The following TRHDE variants were observed in gnomAD, a reference collection of about 807,000 sequenced individuals.
TRHDE encodes the protein thyrotropin-releasing hormone-degrading ectoenzyme.
TRHDE carries 72 observed loss-of-function variants against 125.7 expected under a neutral mutation model. That is an observed-to-expected ratio of 0.57 (90% CI 0.47 to 0.70). TRHDE has a LOEUF of 0.70. Ranked by LOEUF, TRHDE falls within the 30% of genes least tolerant of loss-of-function variation. The probability of loss-of-function intolerance (pLI) is 0.00; values close to 1 mark genes in which losing one functional copy is unlikely to be tolerated. For synonymous variants in TRHDE, 509 were observed against 509.1 expected (o/e 1.00, Z 0.00); for missense variants, 1,110 against 1,327.1 (o/e 0.84, Z 2.54).
chr12:72,178,315 A>C (rs1364219296), intron 2 of TRHDE, among the ~76,000 whole-genome samples: 1 of 152,118 alleles, frequency 6.6e-6, no homozygotes, highest in Admixed American at 6.6e-5. Flanking sequence ...TATTTATGAA[A>C]ACAATAATAA....
intron 1 of TRHDE, among the ~76,000 whole-genome samples, chr12:72,104,187 T>G (rs1247749979): frequency 6.6e-6 from 1 of 152,206 alleles, no homozygotes; most frequent in Non-Finnish European, 1.5e-5. Context: ...TACTCTTATA[T>G]TTCCCTTTAC....
intron 5 of TRHDE, among the ~76,000 whole-genome samples, chr12:72,479,496 G>A (rs944125455): frequency 2.0e-5 from 3 of 151,930 alleles, no homozygotes; most frequent in African/African-American, 4.8e-5. Context: ...TATATTCACT[G>A]TATATTAACA....
intron 12 of TRHDE, among the ~76,000 whole-genome samples, chr12:72,586,750 G>A (rs10784975): frequency 0.41 from 60,624 of 149,344 alleles, 14,812 homozygotes; most frequent in African/African-American, 0.68. Flanking sequence ...CAGAAATTCA[G>A]TATAAACTCT....
chr12:72,273,549 G>T lies in TRHDE; in HGVS notation c.906G>T (p.Gly302=). 6.3e-7 allele frequency: 1 copy of T among 1,596,254 alleles called. No homozygotes were observed. Among genetic ancestry groups the T allele is most frequent in the Non-Finnish European group, 8.5e-7 (1 of 1,175,976 alleles). ...TCCGCAGCTCCTATGTGCTCCACGGGGAGAGAAGGTATGGAGGGAGGCGGT... is the reference window on the plus strand; with the variant it reads ...TCCGCAGCTCCTATGTGCTCCACGGTGAGAGAAGGTATGGAGGGAGGCGGT... ...GFFRSSYVLH[G]ERRFLGVTQF... Residue 302 remains glycine (G), a synonymous_variant, in exon 1 of 19, where the codon GGG becomes GGT. Transcript: ENST00000261180. This position sits in a 1 kb window ranked among gnomAD's most constrained non-coding sequence, Gnocchi z 5.3.
At chr12:72,244,019 A>C (rs1286312571) in intron 2 of TRHDE, among the ~76,000 whole-genome samples, 1 of 152,082 alleles carries the variant, frequency 6.6e-6, no homozygotes, top group African/African-American at 2.4e-5. Context: ...TCCCTCAAAT[A>C]TCTCTGTTCA....
At chr12:72,132,285 A>G (rs1447526856) in intron 2 of TRHDE, among the ~76,000 whole-genome samples, 1 of 152,130 alleles carries the variant, frequency 6.6e-6, no homozygotes, top group Non-Finnish European at 1.5e-5. Context: ...CTTGAAAAAA[A>G]GAGCTGGGGT....
chr12:72,613,291 T>C (rs1872696015), intron 12 of TRHDE, among the ~76,000 whole-genome samples: 1 of 152,210 alleles, frequency 6.6e-6, no homozygotes, highest in Non-Finnish European at 1.5e-5. Flanking sequence ...AATTTAAAGC[T>C]GTTGTCTAGA....
intron 5 of TRHDE, among the ~76,000 whole-genome samples, chr12:72,488,609 C>T (rs74777818): frequency 0.019 from 2,863 of 151,976 alleles, 85 homozygotes; most frequent in African/African-American, 0.066. Context: ...GATATAAAAT[C>T]AATAAGGAAA....
chr12:72,352,271 T>C (rs10879407), intron 2 of TRHDE, among the ~76,000 whole-genome samples: 8,749 of 151,812 alleles, frequency 0.058, 474 homozygotes, highest in African/African-American at 0.13. Flanking sequence ...ATTTTCTTAA[T>C]TGTGTCTGTT....
At chr12:72,402,954 G>A (rs558701954) in intron 3 of TRHDE, among the ~76,000 whole-genome samples, 9 of 152,148 alleles carry the variant, frequency 5.9e-5, no homozygotes, top group South Asian at 2.1e-4. Context: ...CCTTTGCTTC[G>A]TCCAATCTCA....
intron 5 of TRHDE, among the ~76,000 whole-genome samples, chr12:72,483,010 A>C (rs2135915630): frequency 6.6e-6 from 1 of 152,096 alleles, no homozygotes; most frequent in African/African-American, 2.4e-5. Context: ...TTTTCTATTT[A>C]TTGCTAAGTA....
intron 12 of TRHDE, among the ~76,000 whole-genome samples, chr12:72,600,741 A>G (rs1440945520): frequency 6.6e-6 from 1 of 152,030 alleles, no homozygotes; most frequent in East Asian, 1.9e-4. Context: ...TGCTTTATAT[A>G]TGAAATAACA....
At chr12:72,272,152 G>A (rs1033536337), upstream of TRHDE, 3 of 457,274 alleles carry the variant, frequency 6.6e-6, no homozygotes, top group African/African-American at 6.0e-5. This position sits in a 1 kb window ranked among gnomAD's most constrained non-coding sequence, Gnocchi z 6.7. Flanking sequence ...CCAGAGGACC[G>A]AACGCCGCCG....
intron 11 of TRHDE, 24 bp from the exon 12 acceptor site, chr12:72,575,463 A>C: frequency 6.2e-7 from 1 of 1,613,482 alleles, no homozygotes. Flanking sequence ...AAATTATCCT[A>C]TTATTTTTTC....
Position 72,619,005 on chromosome 12 carries a change from A to C in TRHDE, c.2436A>C (p.Leu812Phe). The C allele has an allele frequency of 6.3e-7, 1 of 1,578,538 alleles. No individual in the cohort carries two copies. The highest frequency in any genetic ancestry group is 8.6e-7 in the Non-Finnish European group (1 of 1,165,998). The change falls in exon 13 of 19, where the codon TTA (leucine) becomes TTC (phenylalanine). Residue 812 changes from leucine (L) to phenylalanine (F), a missense_variant. Around this residue, in one of 5 missense-constraint regions of TRHDE, gnomAD observed 527 missense variants for 651.8 expected, o/e 0.81. Transcript: ENST00000261180. ...ASRALYPLDKLLDRMENYNIF... is the reference protein window; with the variant it reads ...ASRALYPLDKFLDRMENYNIF... ...GAGCTCTTTATCCTCTAGATAAATT[A>C]CTGGACCGCATGGAAAACTACAACA...
chr12:72,569,471 C>T, intron 10 of TRHDE, among the ~76,000 whole-genome samples: 1 of 152,030 alleles, frequency 6.6e-6, no homozygotes, highest in East Asian at 1.9e-4. Flanking sequence ...TTTAAAAAGC[C>T]ACATATTTTT....
At chr12:72,221,757 G>A (rs1440636423) in intron 2 of TRHDE, among the ~76,000 whole-genome samples, 2 of 152,094 alleles carry the variant, frequency 1.3e-5, no homozygotes, top group African/African-American at 2.4e-5. Flanking sequence ...TAGGTCACCA[G>A]AATACCATAC....
intron 15 of TRHDE, among the ~76,000 whole-genome samples, chr12:72,640,465 C>T (rs1040645268): frequency 6.6e-6 from 1 of 152,260 alleles, no homozygotes; most frequent in Non-Finnish European, 1.5e-5. Flanking sequence ...CACCCGTCTT[C>T]TGCATCGCTC....
chr12:72,553,432 A>G (rs1294772257), intron 7 of TRHDE, among the ~76,000 whole-genome samples: 1 of 152,196 alleles, frequency 6.6e-6, no homozygotes, highest in African/African-American at 2.4e-5. Context: ...CTGATAGACA[A>G]ATAACCCACC....
Sources: gnomAD v4.1 joint callset for allele counts (sites outside exome capture counted in the v4.1 genomes callset) on GRCh38, gnomAD v4.1.1 for gene constraint, gnomAD v4.1.1 regional missense constraint, Gnocchi (gnomAD v3.1) non-coding constraint, MANE v1.5 for transcripts, NCBI Gene and HGNC (gene_info 2026-07-23, HGNC 2026-07-21) for gene names.